Variants in CASP10 observed in about 807,000 individuals in gnomAD.
The protein encoded by CASP10 is caspase-10.
A neutral mutation model predicts 48.5 loss-of-function variants in CASP10; 41 were observed. That is an observed-to-expected ratio of 0.85 (90% CI 0.66 to 1.10). The LOEUF (loss-of-function observed/expected upper bound fraction) is 1.10. Ranked by LOEUF, CASP10 falls within the 50% of genes least tolerant of loss-of-function variation. CASP10 has a pLI of 0.00. For synonymous variants in CASP10, 232 were observed against 238.4 expected, an observed-to-expected ratio of 0.97 and a Z score of 0.25; for missense variants, 614 against 614.5, an observed-to-expected ratio of 1.00 and a Z score of 0.01.
chr2:201,222,220 C>CT (rs11392581), downstream of CASP10, among the ~76,000 whole-genome samples: 52,659 of 136,540 alleles, frequency 0.39, 11,273 homozygotes, highest in Non-Finnish European at 0.49. Context: ...TTTATTCATT[C>CT]TTTTTTTTTT....
intron 3 of CASP10, among the ~76,000 whole-genome samples, chr2:201,190,785 G>GT (rs113067142): frequency 8.0e-5 from 12 of 150,940 alleles, no homozygotes; most frequent in East Asian, 3.9e-4. Flanking sequence ...GCTGGAAAAT[G>GT]TTTTTTTTTC....
chr2:201,196,075 C>G (rs543872927), intron 5 of CASP10, 127 bp downstream of exon 5: 1 of 679,590 alleles, frequency 1.5e-6, no homozygotes, highest in Admixed American at 2.5e-5. Context: ...TAAATGGTCT[C>G]ACCATGGTGA....
chr2:201,217,561 A>T (rs1945610465), intron 9 of CASP10, 27 bp from the exon 10 acceptor site: 1 of 1,579,664 alleles, frequency 6.3e-7, no homozygotes, highest in East Asian at 2.2e-5. Flanking sequence ...TCCGTAAAAA[A>T]AAATTTTGTT....
At chr2:201,208,012 G>T in intron 7 of CASP10, 63 bp from the exon 8 acceptor site, 2 of 1,164,740 alleles carry the variant, frequency 1.7e-6, no homozygotes, top group Non-Finnish European at 2.6e-6. Context: ...GGAGTGGTTG[G>T]TTAGAAACAT....
Position 201,203,713 on chromosome 2 carries a change from CCTTT to C in CASP10, c.685-12_685-9del, listed in dbSNP as rs745372551. The C allele has an allele frequency of 1.2e-6, 2 of 1,611,624 alleles. No individual in the cohort carries two copies. The highest frequency in any genetic ancestry group is 1.7e-6 in the Non-Finnish European group (2 of 1,177,800). On this transcript the variant is annotated splice_polypyrimidine_tract_variant and intron_variant, in intron 5 of 9. Transcript: ENST00000286186. ...GTGAAATTCCTATGTTTCATGCCCT[CCTTT>C]CTTTTTTCTCAGCAGGAGTCCTGGC...
rs528662010 is a variant in CASP10, at chr2:201,183,261, C to G, written c.-55C>G. The G allele has an allele frequency of 2.0e-5, 3 of 152,312 alleles. No individual in the cohort carries two copies. The highest frequency in any genetic ancestry group is 7.2e-5 in the African/African-American group (3 of 41,580). The allele number at this position is 152,312 out of a possible 1,614,324, so 9.4% of individuals were successfully genotyped here. A position where few individuals can be genotyped will look rare whatever the true frequency, so the allele number is the denominator to read the frequency against. On this transcript the variant is annotated 5_prime_UTR_variant, in exon 1 of 10. Coordinates refer to ENST00000286186, the MANE Select transcript of CASP10 (RefSeq NM_032977.4). ...TTAAAACTTTGTTTTCAGGCAATTT[C>G]CCTGAGAACCGTTTACTTCCAGAAG...
chr2:201,189,099 T>A (rs187451488), intron 3 of CASP10, among the ~76,000 whole-genome samples: 1 of 152,128 alleles, frequency 6.6e-6, no homozygotes, highest in East Asian at 1.9e-4. Flanking sequence ...CTGGAACTCC[T>A]GACTTTAGGT....
intron 3 of CASP10, among the ~76,000 whole-genome samples, chr2:201,189,169 G>A (rs1473704831): frequency 6.6e-6 from 1 of 151,952 alleles, no homozygotes; most frequent in East Asian, 1.9e-4. Context: ...ACCATACCCG[G>A]CCACATATTA....
chr2:201,197,613 T>C, intron 5 of CASP10, among the ~76,000 whole-genome samples: 1 of 152,144 alleles, frequency 6.6e-6, no homozygotes, highest in Non-Finnish European at 1.5e-5. Flanking sequence ...AGACCCTGTC[T>C]CAAAAAACGA....
intron 5 of CASP10, 50 bp from the exon 6 acceptor site, chr2:201,203,680 C>G (rs771685318): frequency 6.5e-7 from 1 of 1,537,106 alleles, no homozygotes; most frequent in Non-Finnish European, 9.0e-7. Context: ...GTTCCTCATC[C>G]TAACTGTGTG....
intron 6 of CASP10, among the ~76,000 whole-genome samples, chr2:201,204,796 G>A (rs1016790099): frequency 2.8e-4 from 43 of 152,124 alleles, no homozygotes; most frequent in Non-Finnish European, 1.5e-4. Flanking sequence ...ACAATTCTGC[G>A]GTTCCAACAT....
chr2:201,209,830 T>G (rs923952196), intron 9 of CASP10, among the ~76,000 whole-genome samples: 2 of 152,062 alleles, frequency 1.3e-5, no homozygotes, highest in Non-Finnish European at 2.9e-5. Flanking sequence ...AGTACCAGCC[T>G]GGACCTGGAA....
chr2:201,187,226 G>A lies in CASP10; in HGVS notation c.348-480G>A, dbSNP rs41320645. ...GAGGGACAGTCTCTGACACATAGGG[G>A]TGTTAGTATGTGGATGAAATCCTCA... On this transcript the variant is annotated intron_variant, in intron 2 of 9. Transcript: ENST00000286186. 5.1e-3 allele frequency among the ~76,000 whole-genome samples: 769 copies of A among 152,268 alleles called. 8 individuals carry two copies. The highest frequency in any genetic ancestry group is 0.017 in the African/African-American group (720 of 41,550).
Position 201,217,749 on chromosome 2 carries a change from T to A in CASP10, c.*8T>A. 6.2e-7 allele frequency: 1 copy of A among 1,613,266 alleles called. No individual in the cohort carries two copies. The highest frequency in any genetic ancestry group is 8.5e-7 in the Non-Finnish European group (1 of 1,179,620). On this transcript the variant is annotated 3_prime_UTR_variant, in exon 10 of 10. Coordinates refer to ENST00000286186, the MANE Select transcript of CASP10 (RefSeq NM_032977.4). ...GATGCACTTTCATTATAGCAGAGAG[T>A]TTTTGTTGGTTCTTAGACCTCAAAC...
chr2:201,205,839 T>C, intron 6 of CASP10, 43 bp from the exon 7 acceptor site: 7 of 1,147,948 alleles, frequency 6.1e-6, no homozygotes, highest in Non-Finnish European at 9.3e-6. Context: ...GAAATCTAAG[T>C]GCTTGGGGAA....
rs1944470735 is a variant in CASP10 at position 201,187,892 on chromosome 2, T to G, written c.441+93T>G. On this transcript the variant is annotated intron_variant, in intron 3 of 9. Transcript: ENST00000286186. ...AAGGGTTTTTAGGGAGATTTATTTTTTATGGGAGACAGTATCATACAATGG... is the reference window on the plus strand; with the variant it reads ...AAGGGTTTTTAGGGAGATTTATTTTGTATGGGAGACAGTATCATACAATGG... The G allele has an allele frequency of 3.3e-6, 3 of 911,782 alleles. No individual in the cohort carries two copies. The East Asian group carries it at 7.3e-5, about 22-fold the overall frequency. 56.5% of individuals were successfully genotyped at this position (911,782 alleles called of 1,614,324 possible).
chr2:201,221,048 C>T lies in CASP10; in HGVS notation c.*3307C>T, dbSNP rs908355147. On this transcript the variant is annotated 3_prime_UTR_variant, in exon 10 of 10. Coordinates refer to ENST00000286186, the MANE Select transcript of CASP10 (RefSeq NM_032977.4). ...TATGTGTGCATCTATTTAAATCTAA[C>T]TGTGCTGAGGTGCATATAAATGCCT... 9.1e-6 allele frequency: 9 copies of T among 985,300 alleles called. No individual in the cohort carries two copies. Among genetic ancestry groups the T allele is most frequent in the Non-Finnish European group, 9.6e-6 (8 of 829,906 alleles). The allele number at this position is 985,300 out of a possible 1,614,324, so 61.0% of individuals were successfully genotyped here.
intron 5 of CASP10, among the ~76,000 whole-genome samples, chr2:201,196,210 C>T (rs1299686441): frequency 1.3e-5 from 2 of 152,184 alleles, no homozygotes; most frequent in Non-Finnish European, 2.9e-5. Flanking sequence ...TGAGCTGACT[C>T]CCCACACCCC....
chr2:201,198,539 CTTTTT>C (rs34234167), intron 5 of CASP10, among the ~76,000 whole-genome samples: 1 of 87,980 alleles, frequency 1.1e-5, no homozygotes, highest in Non-Finnish European at 2.1e-5. Context: ...TTTTTTAATT[CTTTTT>C]TTTTTTTTTT....
Sources: gnomAD v4.1 joint callset for allele counts (sites outside exome capture counted in the v4.1 genomes callset) on GRCh38, gnomAD v4.1.1 for gene constraint, MANE v1.5 for transcripts, NCBI Gene and HGNC (gene_info 2026-07-23, HGNC 2026-07-21) for gene names.